MAPT: variants seen among roughly 807,000 people sequenced by gnomAD.
The protein encoded by MAPT is microtubule-associated protein tau.
In MAPT, 34 loss-of-function variants were observed where a neutral mutation model predicts 67.9. The observed-to-expected ratio is 0.50, with a 90% confidence interval of 0.38 to 0.67. The LOEUF is 0.67. Ranked by LOEUF, MAPT falls within the 30% of genes least tolerant of loss-of-function variation. The pLI, the probability that MAPT is intolerant of heterozygous loss-of-function variation, is 0.00. For synonymous variants in MAPT, 456 were observed against 464.5 expected, an observed-to-expected ratio of 0.98 and a Z score of 0.23; for missense variants, 881 against 1,115.2, an observed-to-expected ratio of 0.79 and a Z score of 2.99.
At chr17:46,005,978 A>T (rs953865339) in intron 9 of MAPT, among the ~76,000 whole-genome samples, 3 of 152,206 alleles carry the variant, frequency 2.0e-5, no homozygotes, top group African/African-American at 7.2e-5. Context: ...CGAGCCTCAC[A>T]TGGCCTCCTT....
chr17:46,008,320 C>T (rs1234785764), intron 9 of MAPT, among the ~76,000 whole-genome samples: 5 of 152,096 alleles, frequency 3.3e-5, no homozygotes, highest in African/African-American at 1.2e-4. Flanking sequence ...GAACTCCTGA[C>T]GTCAGGTGAT....
intron 3 of MAPT, among the ~76,000 whole-genome samples, chr17:45,972,245 C>T (rs1430303101): frequency 1.3e-5 from 2 of 152,184 alleles, no homozygotes; most frequent in African/African-American, 2.4e-5. Flanking sequence ...TTCAAAAGCC[C>T]CCTCCTCTCT....
rs780387044 is a variant in MAPT, at chr17:46,023,998, A to G, written c.2329A>G (p.Lys777Glu). Residue 777 changes from lysine to glutamate, a missense_variant, in exon 13 of 13, where the codon AAG becomes GAG. Physicochemically the swap from Lys to Glu is moderately conservative, Grantham distance 56. Transcript: ENST00000262410. ...GACCTTCCGCGAGAACGCCAAAGCC[A>G]AGACAGACCACGGGGCGGAGATCGT... Reference protein sequence around the residue: ...KLTFRENAKAKTDHGAEIVYK... With the variant: ...KLTFRENAKAETDHGAEIVYK... 1 of 1,614,154 alleles carries G rather than the reference A, an allele frequency of 6.2e-7. No homozygotes were observed. The highest frequency in any genetic ancestry group is 8.5e-7 in the Non-Finnish European group (1 of 1,180,036).
At chr17:45,923,506 G>T (rs1176130701) in intron 1 of MAPT, among the ~76,000 whole-genome samples, 2 of 152,210 alleles carry the variant, frequency 1.3e-5, no homozygotes, top group Non-Finnish European at 2.9e-5. Context: ...AGCCCTCAGG[G>T]CTCTGTGTGA....
At chr17:45,929,588 T>C (rs62061707) in intron 1 of MAPT, among the ~76,000 whole-genome samples, 21,789 of 152,166 alleles carry the variant, frequency 0.14, 2,119 homozygotes, top group Middle Eastern at 0.22. Context: ...ATAAAAATGG[T>C]CATCATCGCC....
intron 10 of MAPT, among the ~76,000 whole-genome samples, chr17:46,011,015 G>C (rs1259620271): frequency 1.3e-5 from 2 of 152,276 alleles, no homozygotes; most frequent in African/African-American, 2.4e-5. Flanking sequence ...AGAGACTCCA[G>C]ATGCAAAGAG....
intron 12 of MAPT, 147 bp from the exon 13 acceptor site, chr17:46,023,809 C>A: frequency 2.8e-6 from 2 of 724,794 alleles, no homozygotes; most frequent in South Asian, 1.5e-5. Context: ...CCACCGCACT[C>A]TAGCCTGGGC....
rs779725501 is a variant in MAPT, at chr17:45,996,365, G to T, written c.1733-34G>T. On this transcript the variant is annotated intron_variant, in intron 8 of 12. Coordinates refer to ENST00000262410, the MANE Select transcript of MAPT (RefSeq NM_001377265.1). This position sits in a 1 kb window ranked among gnomAD's most constrained non-coding sequence, Gnocchi z 4.5. ...GGGCCTTTTCTGACCCCACCCACTCGAGTCCTGGCTTCACTCCCTTCCTTC... is the reference window on the plus strand; with the variant it reads ...GGGCCTTTTCTGACCCCACCCACTCTAGTCCTGGCTTCACTCCCTTCCTTC... The T allele has an allele frequency of 6.2e-7, 1 of 1,606,758 alleles. No individual in the cohort carries two copies.
intron 6 of MAPT, among the ~76,000 whole-genome samples, chr17:45,989,042 TG>T (rs915886586): frequency 8.4e-4 from 126 of 149,378 alleles, no homozygotes; most frequent in South Asian, 2.1e-3. Context: ...CTTTCCAACT[TG>T]GGGGGGGCAC....
chr17:45,986,055 G>A (rs962891734), intron 5 of MAPT, among the ~76,000 whole-genome samples: 5 of 152,222 alleles, frequency 3.3e-5, no homozygotes, highest in Non-Finnish European at 2.9e-5. Context: ...GTGAGTTAGC[G>A]CTGATGCTGG....
intron 7 of MAPT, among the ~76,000 whole-genome samples, chr17:45,990,712 C>T (rs969798740): frequency 2.0e-5 from 3 of 152,214 alleles, no homozygotes; most frequent in African/African-American, 7.2e-5. Flanking sequence ...AGGACAGCAT[C>T]ACGCCATAGC....
At chr17:45,974,128 G>A (rs1251951760) in intron 3 of MAPT, 12 of 554,716 alleles carry the variant, frequency 2.2e-5, no homozygotes, top group African/African-American at 1.1e-4. Context: ...TCACTGCAGC[G>A]TTTACACAGG....
At chr17:45,980,714 G>A (rs550805047) in intron 4 of MAPT, among the ~76,000 whole-genome samples, 2 of 152,194 alleles carry the variant, frequency 1.3e-5, no homozygotes, top group East Asian at 1.9e-4. Flanking sequence ...TCAGAGTACA[G>A]TAACATCCCA....
At chr17:45,987,151 G>A in intron 6 of MAPT, 56 bp downstream of exon 6, 1 of 1,497,382 alleles carries the variant, frequency 6.7e-7, no homozygotes, top group Non-Finnish European at 9.3e-7. Context: ...GAGAAGCTGT[G>A]CTTTATGTCT....
At chr17:45,921,659 C>T (rs988793341) in intron 1 of MAPT, among the ~76,000 whole-genome samples, 1 of 152,180 alleles carries the variant, frequency 6.6e-6, no homozygotes, top group African/African-American at 2.4e-5. Flanking sequence ...AATCAGAAAT[C>T]GTATTTCCAT....
intron 2 of MAPT, among the ~76,000 whole-genome samples, chr17:45,966,219 G>A (rs532513398): frequency 1.3e-3 from 200 of 152,234 alleles, no homozygotes; most frequent in African/African-American, 4.6e-3. Context: ...CTGGATGTGG[G>A]GTATACTGTC....
chr17:46,010,365 C>T lies in MAPT; in HGVS notation c.2054C>T (p.Ser685Leu). 1 of 1,583,410 alleles carries T rather than the reference C, an allele frequency of 6.3e-7. No individual in the cohort carries two copies. Among genetic ancestry groups the T allele is most frequent in the Non-Finnish European group, 8.6e-7 (1 of 1,163,776 alleles). The change falls in exon 10 of 13, where the codon TCA (serine) becomes TTA (leucine). Residue 685 changes from serine to leucine, a missense_variant. Physicochemically the swap from Ser to Leu is moderately radical, Grantham distance 145 (BLOSUM62 -2). This residue lies in a region of MAPT where 34 missense variants were observed against 51.2 expected (regional missense o/e 0.66). Coordinates refer to ENST00000262410, the MANE Select transcript of MAPT (RefSeq NM_001377265.1). This position sits in a 1 kb window ranked among gnomAD's most constrained non-coding sequence, Gnocchi z 4.7. ...DLSNVQSKCGSKDNIKHVPGG... is the reference protein window; with the variant it reads ...DLSNVQSKCGLKDNIKHVPGG... ...AGCAACGTCCAGTCCAAGTGTGGCTCAAAGGATAATATCAAACACGTCCCG... is the reference window on the plus strand; with the variant it reads ...AGCAACGTCCAGTCCAAGTGTGGCTTAAAGGATAATATCAAACACGTCCCG...
rs538671934 is a variant in MAPT at position 45,927,405 on chromosome 17, G to A, written c.-18+32719G>A. ...CAAGTGTGGGAGGCCCAGAGTCAGCGTTTCAGGTGTGCTAATTCAGCATGG... is the reference window on the plus strand; with the variant it reads ...CAAGTGTGGGAGGCCCAGAGTCAGCATTTCAGGTGTGCTAATTCAGCATGG... On this transcript the variant is annotated intron_variant, in intron 1 of 12. Transcript: ENST00000262410. 1.1e-4 allele frequency among the ~76,000 whole-genome samples: 17 copies of A among 152,202 alleles called. 1 individual carries two copies. The South Asian group carries it at 2.5e-3, about 22-fold the overall frequency.
At chr17:45,985,576 G>A (rs1598283581) in intron 5 of MAPT, 1 of 480,756 alleles carries the variant, frequency 2.1e-6, no homozygotes, top group Non-Finnish European at 2.7e-6. Flanking sequence ...AGCCTTTAAT[G>A]TACTAATGGC....
Sources: allele counts gnomAD v4.1 joint callset (sites outside exome capture counted in the v4.1 genomes callset), GRCh38; gene constraint gnomAD v4.1.1; regional missense constraint gnomAD v4.1.1; non-coding constraint Gnocchi (gnomAD v3.1); transcripts MANE v1.5; gene names NCBI Gene and HGNC (gene_info 2026-07-23, HGNC 2026-07-21).